INPP5F: variants seen among roughly 807,000 people sequenced by gnomAD.
The protein encoded by INPP5F is inositol polyphosphate-5-phosphatase F, also known as phosphatidylinositide 4-phosphatase SAC2.
INPP5F carries 97 observed loss-of-function variants against 137.2 expected under a neutral mutation model. The observed-to-expected ratio is 0.71, with a 90% CI of 0.60 to 0.84. The LOEUF (loss-of-function observed/expected upper bound fraction) is 0.84. INPP5F is among the 40% of genes least tolerant of loss of function. The pLI is 0.00. For synonymous variants in INPP5F, 504 were observed against 476.9 expected, an observed-to-expected ratio of 1.06 and a Z score of -0.74; for missense variants, 1,271 against 1,371.9, an observed-to-expected ratio of 0.93 and a Z score of 1.16.
chr10:119,819,243 T>TTG (rs1554896158), intron 15 of INPP5F: 2 of 209,192 alleles, frequency 9.6e-6, no homozygotes, highest in Non-Finnish European at 1.3e-5. Context: ...TTTTTTTTTT[T>TTG]AAAGGGGAAG....
Position 119,775,040 on chromosome 10 carries a change from A to G in INPP5F, c.179-6595A>G, listed in dbSNP as rs188479511. ...AAGTAAAATTTGTAAGGAAATAGAT[A>G]TCTACACGTCATAATCTAAGTTCTC... On this transcript the variant is annotated intron_variant, in intron 2 of 19. Coordinates refer to ENST00000650623, the MANE Select transcript of INPP5F (RefSeq NM_014937.4). Among the ~76,000 whole-genome samples, 10 of 152,294 alleles carry G rather than the reference A, an allele frequency of 6.6e-5. No homozygotes were observed. The East Asian group carries it at 1.7e-3, about 26-fold the overall frequency.
chr10:119,734,890 C>T (rs10787990), intron 1 of INPP5F, among the ~76,000 whole-genome samples: 69,565 of 151,952 alleles, frequency 0.46, 16,180 homozygotes, highest in East Asian at 0.61. Flanking sequence ...AAGTCCTTAG[C>T]TGATGTAAGT....
In INPP5F at chr10:119,726,379, C is replaced by G; in HGVS notation, c.97+20C>G. ...GACCCGGTGAGGCTGGCGGTGCGGG[C>G]GGGGGGCACCCCGGGCCAGGGCGGG... On this transcript the variant is annotated intron_variant, in intron 1 of 19. Transcript: ENST00000650623. The G allele has an allele frequency of 7.9e-7, 1 of 1,271,466 alleles. No homozygotes were observed. The allele number at this position is 1,271,466 out of a possible 1,614,324, so 78.8% of individuals were successfully genotyped here.
In INPP5F at chr10:119,759,522, AT is replaced by A. The variant is rs369759694; in HGVS notation, c.178+8373del. On this transcript the variant is annotated intron_variant, in intron 2 of 19. Coordinates refer to ENST00000650623, the MANE Select transcript of INPP5F (RefSeq NM_014937.4). Reference sequence around the variant, plus strand: ...CTTGTGCCTCACCCTAAGGTGGCTAATTTTTTTATTTTTAGTAGAGACAGGG... The same window carrying A: ...CTTGTGCCTCACCCTAAGGTGGCTAATTTTTTATTTTTAGTAGAGACAGGG... Among the ~76,000 whole-genome samples the A allele has an allele frequency of 2.3e-3, 354 of 151,382 alleles. 15 individuals are homozygous for A. In the South Asian group the frequency reaches 0.072, roughly 31 times the overall value.
chr10:119,807,359 A>G (rs1339158492), intron 12 of INPP5F, among the ~76,000 whole-genome samples: 2 of 152,260 alleles, frequency 1.3e-5, no homozygotes. Flanking sequence ...TATCTTATGT[A>G]CAGTGTTTAA....
chr10:119,750,451 G>A (rs915038905), intron 1 of INPP5F, among the ~76,000 whole-genome samples: 1 of 152,154 alleles, frequency 6.6e-6, no homozygotes, highest in Non-Finnish European at 1.5e-5. Flanking sequence ...GAACCAGCTT[G>A]TGTCATCTAA....
At chr10:119,818,614 G>C (rs1851394586) in intron 15 of INPP5F, 2 of 152,368 alleles carry the variant, frequency 1.3e-5, no homozygotes, top group Non-Finnish European at 2.9e-5. Flanking sequence ...GCGCAGGATG[G>C]AGCGCGCATG....
rs763572298 is a variant in INPP5F, at chr10:119,792,212, G to A, written c.668G>A (p.Gly223Asp). 3.1e-6 allele frequency: 5 copies of A among 1,607,104 alleles called. No homozygotes were observed. Among genetic ancestry groups the A allele is most frequent in the East Asian group, 4.5e-5 (2 of 44,852 alleles). ...KYMIQDLTEI[G>D]TPDVDFWIIP... ...ATGATACAAGATCTTACTGAGATTG[G>A]TGTGAGTAGTTGTTTCTAAAATTTC... Residue 223 changes from glycine to aspartate, a missense_variant and splice_region_variant, in exon 6 of 20, where the codon GGT (glycine) becomes GAT (aspartate). Physicochemically the swap from Gly to Asp is moderately conservative, Grantham distance 94. This residue lies in a region of INPP5F where 593 missense variants were observed against 712.4 expected (regional missense o/e 0.83). Coordinates refer to ENST00000650623, the MANE Select transcript of INPP5F (RefSeq NM_014937.4).
intron 1 of INPP5F, among the ~76,000 whole-genome samples, chr10:119,732,155 C>A (rs1848090964): frequency 6.6e-6 from 1 of 151,368 alleles, no homozygotes; most frequent in African/African-American, 2.4e-5. Flanking sequence ...TGTGCCGCAG[C>A]CTCCTGAGTA....
At chr10:119,764,684 C>T (rs1036548539) in intron 2 of INPP5F, among the ~76,000 whole-genome samples, 11 of 151,254 alleles carry the variant, frequency 7.3e-5, no homozygotes, top group Admixed American at 5.3e-4. Context: ...CGGGTTCAAG[C>T]GATTCTCCTA....
chr10:119,727,861 G>A (rs1847937746), intron 1 of INPP5F, among the ~76,000 whole-genome samples: 1 of 152,044 alleles, frequency 6.6e-6, no homozygotes, highest in African/African-American at 2.4e-5. Context: ...CCAAATTTGG[G>A]TAAGGCTTCA....
Position 119,797,445 on chromosome 10 carries a change from T to A in INPP5F, c.869-16T>A, listed in dbSNP as rs1477624777. Reference sequence around the variant, plus strand: ...TTTTTAAAATGTTGCTGTTTTCTGTTTTAATTTTCTTTCAGGAATGCGCTA... The same window carrying A: ...TTTTTAAAATGTTGCTGTTTTCTGTATTAATTTTCTTTCAGGAATGCGCTA... On this transcript the variant is annotated splice_polypyrimidine_tract_variant and intron_variant, in intron 7 of 19. Coordinates refer to ENST00000650623, the MANE Select transcript of INPP5F (RefSeq NM_014937.4). 2 of 1,581,580 alleles carry A rather than the reference T, an allele frequency of 1.3e-6. No homozygotes were observed. Among genetic ancestry groups the A allele is most frequent in the African/African-American group, 1.4e-5 (1 of 73,872 alleles).
intron 6 of INPP5F, among the ~76,000 whole-genome samples, chr10:119,795,070 G>C (rs1235302828): frequency 7.3e-6 from 1 of 137,546 alleles, no homozygotes; most frequent in Non-Finnish European, 1.6e-5. Flanking sequence ...CTGGCCGGGC[G>C]GGGGGCTGAC....
rs188814549 is a variant in INPP5F at position 119,822,774 on chromosome 10, A to G, written c.2032+270A>G. Among the ~76,000 whole-genome samples the G allele has an allele frequency of 3.1e-3, 475 of 152,340 alleles. 3 individuals are homozygous for G. The highest frequency in any genetic ancestry group is 0.011 in the African/African-American group (451 of 41,574). The stretch of plus-strand genomic sequence containing the variant: ...CAGAAAGGGATATTCCAAGCTGTCT[A>G]CTTCTTAGAACTTCCTTTCTATTCA... On this transcript the variant is annotated intron_variant, in intron 17 of 19. Transcript: ENST00000650623.
chr10:119,756,865 CAAA>C (rs11415974), intron 2 of INPP5F, among the ~76,000 whole-genome samples: 11 of 97,342 alleles, frequency 1.1e-4, no homozygotes, highest in African/African-American at 4.5e-4. Context: ...AGCTCTGCCA[CAAA>C]AAAAAAAAAA....
intron 1 of INPP5F, among the ~76,000 whole-genome samples, chr10:119,742,135 TTTTA>T (rs1490886485): frequency 7.5e-6 from 1 of 133,160 alleles, no homozygotes; most frequent in Admixed American, 8.1e-5. Context: ...GACGACAGCT[TTTTA>T]TTTGTTATTT....
chr10:119,749,841 C>T (rs369729398), intron 1 of INPP5F, among the ~76,000 whole-genome samples: 1 of 152,162 alleles, frequency 6.6e-6, no homozygotes, highest in African/African-American at 2.4e-5. Context: ...TGCCGTGGTG[C>T]GATCTTGGCT....
At chr10:119,791,829 C>T (rs1286892317) in intron 4 of INPP5F, 40 bp from the exon 5 acceptor site, 5 of 1,496,054 alleles carry the variant, frequency 3.3e-6, no homozygotes, top group Non-Finnish European at 4.5e-6. Context: ...GACTACTTTA[C>T]ATTTAATTTC....
intron 9 of INPP5F, among the ~76,000 whole-genome samples, chr10:119,800,559 A>C (rs1473449941): frequency 2.0e-5 from 3 of 151,686 alleles, no homozygotes; most frequent in Non-Finnish European, 2.9e-5. Flanking sequence ...CCATCTCAAA[A>C]AAAAAAAACA....
Sources: allele counts gnomAD v4.1 joint callset (sites outside exome capture counted in the v4.1 genomes callset), GRCh38; gene constraint gnomAD v4.1.1; regional missense constraint gnomAD v4.1.1; transcripts MANE v1.5; gene names NCBI Gene and HGNC (gene_info 2026-07-23, HGNC 2026-07-21).